The following PCCA variants were observed in gnomAD, a reference collection of about 807,000 sequenced individuals.
PCCA encodes the protein propionyl-CoA carboxylase subunit alpha.
In PCCA, 74 loss-of-function variants were observed where a neutral mutation model predicts 101.3. The ratio of observed to expected loss-of-function variants is 0.73; its 90% CI spans 0.61 to 0.89. The LOEUF is 0.89. Ranked by LOEUF, PCCA falls within the 40% of genes least tolerant of loss-of-function variation. The pLI is 0.00. For synonymous variants in PCCA, 294 were observed against 313.6 expected, an observed-to-expected ratio of 0.94 and a Z score of 0.66; for missense variants, 891 against 907.0, an observed-to-expected ratio of 0.98 and a Z score of 0.23.
chr13:100,530,035 C>G, intron 23 of PCCA, 63 bp from the exon 24 acceptor site: 1 of 1,264,886 alleles, frequency 7.9e-7, no homozygotes, highest in South Asian at 1.2e-5. Context: ...AGGAGCCTGC[C>G]GCCTCTTGGT....
At chr13:100,477,480 T>A (rs1466016768) in intron 21 of PCCA, 2 of 152,184 alleles carry the variant, frequency 1.3e-5, no homozygotes, top group Non-Finnish European at 2.9e-5. Context: ...TGTTAATGAT[T>A]TGATATTATA....
intron 21 of PCCA, among the ~76,000 whole-genome samples, chr13:100,513,173 C>T (rs768675661): frequency 6.6e-6 from 1 of 152,232 alleles, no homozygotes; most frequent in Non-Finnish European, 1.5e-5. Context: ...TTGTGTGGTA[C>T]ACTCACGGGC....
intron 6 of PCCA, among the ~76,000 whole-genome samples, chr13:100,163,318 G>A (rs2054687521): frequency 6.6e-6 from 1 of 152,152 alleles, no homozygotes; most frequent in Non-Finnish European, 1.5e-5. Context: ...TCTGGAGTCA[G>A]AATGACAGCT....
Position 100,367,976 on chromosome 13 carries a change from T to TA in PCCA, c.1644-488dup, listed in dbSNP as rs942843014. ...CCGTCTCAAAAATAATAATAATAATTAAAAAAAATTATATCCTAGCTAATG... is the reference window on the plus strand; with the variant it reads ...CCGTCTCAAAAATAATAATAATAATTAAAAAAAAATTATATCCTAGCTAATG... On this transcript the variant is annotated intron_variant, in intron 18 of 23. Transcript: ENST00000376285. Among the ~76,000 whole-genome samples, 8 of 151,764 alleles carry TA rather than the reference T, an allele frequency of 5.3e-5. No individual in the cohort carries two copies. In the South Asian group the frequency reaches 8.3e-4, roughly 16 times the overall value.
intron 6 of PCCA, among the ~76,000 whole-genome samples, chr13:100,188,383 A>AT (rs1476786583): frequency 6.6e-6 from 1 of 152,142 alleles, no homozygotes; most frequent in Non-Finnish European, 1.5e-5. Context: ...TGCAAATGCC[A>AT]TTTTTTCATT....
intron 19 of PCCA, among the ~76,000 whole-genome samples, chr13:100,385,080 C>G (rs934793046): frequency 6.6e-6 from 1 of 152,116 alleles, no homozygotes; most frequent in Admixed American, 6.5e-5. Flanking sequence ...TTCTACCCCT[C>G]TACCTTTAAA....
chr13:100,361,989 A>G (rs1377012520), intron 18 of PCCA, among the ~76,000 whole-genome samples: 2 of 152,222 alleles, frequency 1.3e-5, no homozygotes, highest in Non-Finnish European at 2.9e-5. Context: ...CCAAACTGGA[A>G]ACCACCAAAA....
chr13:100,352,377 T>G (rs1387796615), intron 18 of PCCA, among the ~76,000 whole-genome samples: 1 of 150,794 alleles, frequency 6.6e-6, no homozygotes, highest in African/African-American at 2.4e-5. Context: ...TTACTAATAA[T>G]GCTGATGTCA....
At chr13:100,193,015 AG>A (rs2057845315) in intron 6 of PCCA, among the ~76,000 whole-genome samples, 1 of 152,300 alleles carries the variant, frequency 6.6e-6, no homozygotes, top group African/African-American at 2.4e-5. Context: ...GAGAGTGAAA[AG>A]GGACGCTAAT....
At chr13:100,337,100 G>C (rs1595426205) in intron 17 of PCCA, among the ~76,000 whole-genome samples, 1 of 152,156 alleles carries the variant, frequency 6.6e-6, no homozygotes, top group East Asian at 1.9e-4. Flanking sequence ...GGAAGAATTG[G>C]AGAGCTTTTA....
intron 12 of PCCA, among the ~76,000 whole-genome samples, chr13:100,292,814 G>A (rs560112810): frequency 6.6e-6 from 1 of 152,254 alleles, no homozygotes; most frequent in South Asian, 2.1e-4. Flanking sequence ...AAGAGTCTGG[G>A]AGGAAAAATG....
chr13:100,161,213 G>A (rs1313490535), intron 6 of PCCA: 3 of 152,210 alleles, frequency 2.0e-5, no homozygotes, highest in African/African-American at 7.2e-5. Context: ...GTGGCATCCA[G>A]TGTGGGCAAG....
At chr13:100,309,116 T>C (rs907978310) in intron 15 of PCCA, among the ~76,000 whole-genome samples, 1 of 152,158 alleles carries the variant, frequency 6.6e-6, no homozygotes, top group Non-Finnish European at 1.5e-5. Flanking sequence ...TGTTAAGGGC[T>C]GGACGCAGTG....
intron 6 of PCCA, among the ~76,000 whole-genome samples, chr13:100,160,241 G>A (rs1205711622): frequency 6.6e-6 from 1 of 152,140 alleles, no homozygotes; most frequent in African/African-American, 2.4e-5. Context: ...GGTGGCTCAT[G>A]CCTGTAATCC....
intron 21 of PCCA, among the ~76,000 whole-genome samples, chr13:100,499,362 G>A (rs1408650581): frequency 6.6e-6 from 1 of 152,250 alleles, no homozygotes; most frequent in South Asian, 2.1e-4. Context: ...TCTGCAGGAT[G>A]TAAGAGATTA....
At chr13:100,136,906 T>A (rs2051250856) in intron 4 of PCCA, among the ~76,000 whole-genome samples, 1 of 152,048 alleles carries the variant, frequency 6.6e-6, no homozygotes, top group Non-Finnish European at 1.5e-5. Flanking sequence ...TGATATCTCC[T>A]CTGTTGTGTT....
chr13:100,487,555 A>G (rs2084488364), intron 21 of PCCA, among the ~76,000 whole-genome samples: 1 of 152,194 alleles, frequency 6.6e-6, no homozygotes, highest in South Asian at 2.1e-4. Context: ...ATGTCTCAAA[A>G]TCTTTACTAA....
chr13:100,528,807 T>C (rs1594166246), intron 23 of PCCA, among the ~76,000 whole-genome samples: 1 of 152,248 alleles, frequency 6.6e-6, no homozygotes, highest in African/African-American at 2.4e-5. Flanking sequence ...TTTCTGTTCA[T>C]GTAAAAATTT....
intron 4 of PCCA, among the ~76,000 whole-genome samples, chr13:100,131,365 G>A (rs1411026055): frequency 2.6e-5 from 4 of 152,270 alleles, no homozygotes; most frequent in Non-Finnish European, 4.4e-5. Flanking sequence ...ATCAAGAGCC[G>A]TGATTTCCAA....
Sources: gnomAD v4.1 joint callset for allele counts (sites outside exome capture counted in the v4.1 genomes callset) on GRCh38, gnomAD v4.1.1 for gene constraint, MANE v1.5 for transcripts, NCBI Gene and HGNC (gene_info 2026-07-23, HGNC 2026-07-21) for gene names.